The following SOX5 variants were observed in gnomAD, a reference collection of about 807,000 sequenced individuals.
The protein encoded by SOX5 is transcription factor SOX-5.
Under a neutral mutation model 92.0 loss-of-function variants are expected in SOX5, and 9 were observed. That is an observed-to-expected ratio of 0.10 (90% CI 0.06 to 0.17). The LOEUF is 0.17. Ranked by LOEUF, SOX5 falls within the 10% of genes least tolerant of loss-of-function variation. The probability of loss-of-function intolerance (pLI) is 1.00; values close to 1 mark genes in which losing one functional copy is unlikely to be tolerated. For missense variants in SOX5, 642 were observed against 944.5 expected (o/e 0.68, Z 4.20); for synonymous variants, 344 against 336.3 (o/e 1.02, Z -0.25).
In SOX5 at chr12:23,534,291, G is replaced by T. The variant is rs146051086; in HGVS notation, c.2220C>A (p.Asp740Glu). The T allele has an allele frequency of 6.2e-6, 10 of 1,613,870 alleles. No individual in the cohort carries two copies. Among genetic ancestry groups the T allele is most frequent in the African/African-American group, 2.7e-5 (2 of 74,856 alleles). Residue 740 changes from aspartate (D) to glutamate (E), a missense_variant, in exon 15 of 15, where the codon GAC becomes GAA. By Grantham distance (45) the Asp-to-Glu change is conservative. This residue lies in a region of SOX5 where 130 missense variants were observed against 140.6 expected (regional missense o/e 0.92). Coordinates refer to ENST00000451604, the MANE Select transcript of SOX5 (RefSeq NM_006940.6). ...DINGEIYDEY[D>E]EEEDDPDVDY... ...CTACATCTGGATCATCCTCTTCCTC[G>T]TCGTACTCATCATAAATTTCTCCAT... is the stretch of plus-strand genomic sequence containing the variant.
At chr12:24,036,098 C>T (rs1297710177) in intron 4 of SOX5, among the ~76,000 whole-genome samples, 1 of 152,026 alleles carries the variant, frequency 6.6e-6, no homozygotes. Flanking sequence ...TACTGAGATT[C>T]ATCTACATTT....
intron 1 of SOX5, among the ~76,000 whole-genome samples, chr12:24,500,909 T>C (rs1304177775): frequency 2.6e-5 from 4 of 152,208 alleles, no homozygotes; most frequent in African/African-American, 9.7e-5. Context: ...ATCTATTTTC[T>C]AGAAAAGAAA....
chr12:24,113,601 C>T (rs1014030975), intron 4 of SOX5, among the ~76,000 whole-genome samples: 1 of 151,750 alleles, frequency 6.6e-6, no homozygotes, highest in Non-Finnish European at 1.5e-5. Flanking sequence ...CACCATACTA[C>T]AATAATAAAT....
At chr12:23,822,451 T>A (rs1194164682) in intron 3 of SOX5, among the ~76,000 whole-genome samples, 3 of 152,214 alleles carry the variant, frequency 2.0e-5, no homozygotes, top group African/African-American at 4.8e-5. Flanking sequence ...AGTTTCTTAA[T>A]CCTGAGGTCT....
chr12:24,115,921 G>A (rs1016463434), intron 4 of SOX5, among the ~76,000 whole-genome samples: 2 of 151,964 alleles, frequency 1.3e-5, no homozygotes, highest in African/African-American at 2.4e-5. Context: ...TAGGAGGGTG[G>A]AAGCAAAAGC....
chr12:24,240,059 C>T (rs1171908741), intron 3 of SOX5, among the ~76,000 whole-genome samples: 2 of 152,154 alleles, frequency 1.3e-5, no homozygotes, highest in Non-Finnish European at 1.5e-5. Context: ...TTAAATGTGA[C>T]ATACACTGAA....
At chr12:24,408,078 G>C (rs906558046) in intron 1 of SOX5, among the ~76,000 whole-genome samples, 5 of 152,166 alleles carry the variant, frequency 3.3e-5, no homozygotes, top group African/African-American at 1.2e-4. Flanking sequence ...GAATGTTCCA[G>C]ACGAGGAAAT....
intron 3 of SOX5, among the ~76,000 whole-genome samples, chr12:24,236,769 G>T (rs1272051003): frequency 6.6e-6 from 1 of 152,166 alleles, no homozygotes; most frequent in Non-Finnish European, 1.5e-5. Flanking sequence ...TTTAACCACA[G>T]GGATTCTAGC....
At chr12:23,687,348 T>C (rs1194450271) in intron 6 of SOX5, among the ~76,000 whole-genome samples, 1 of 152,018 alleles carries the variant, frequency 6.6e-6, no homozygotes, top group Non-Finnish European at 1.5e-5. Context: ...AGCATATATA[T>C]AAATATATGT....
intron 13 of SOX5, among the ~76,000 whole-genome samples, chr12:23,540,399 T>A (rs1265256760): frequency 7.4e-6 from 1 of 135,394 alleles, no homozygotes; most frequent in Non-Finnish European, 1.6e-5. Flanking sequence ...ATAATAATAA[T>A]AATAAAAAGC....
At chr12:24,395,516 AAAC>A (rs1315833057) in intron 1 of SOX5, among the ~76,000 whole-genome samples, 1 of 152,206 alleles carries the variant, frequency 6.6e-6, no homozygotes, top group African/African-American at 2.4e-5. Context: ...AGCTGGTGGA[AAAC>A]CCACTGAATT....
intron 2 of SOX5, among the ~76,000 whole-genome samples, chr12:24,353,955 C>A (rs1954460158): frequency 6.6e-6 from 1 of 152,156 alleles, no homozygotes; most frequent in Non-Finnish European, 1.5e-5. Flanking sequence ...TTATTCTCAA[C>A]AAACACTTGA....
At chr12:23,625,837 G>A (rs1050220621) in intron 8 of SOX5, among the ~76,000 whole-genome samples, 1 of 152,148 alleles carries the variant, frequency 6.6e-6, no homozygotes, top group African/African-American at 2.4e-5. Context: ...TTGAACTCCT[G>A]ACCTCATGAT....
At chr12:23,761,019 T>A (rs993734848) in intron 3 of SOX5, among the ~76,000 whole-genome samples, 2 of 152,146 alleles carry the variant, frequency 1.3e-5, no homozygotes, top group African/African-American at 4.8e-5. Context: ...CTGTTGATAC[T>A]TTAATTTTGC....
At chr12:23,999,190 C>G (rs1455342599) in intron 4 of SOX5, among the ~76,000 whole-genome samples, 1 of 127,126 alleles carries the variant, frequency 7.9e-6, no homozygotes, top group African/African-American at 2.9e-5. Flanking sequence ...CATTGCTTCT[C>G]TTAAGTGATT....
intron 8 of SOX5, among the ~76,000 whole-genome samples, chr12:23,607,042 C>T (rs1231862589): frequency 6.6e-6 from 1 of 152,134 alleles, no homozygotes; most frequent in Non-Finnish European, 1.5e-5. Flanking sequence ...GGTTGCTCTT[C>T]TCTCCCCCAA....
intron 14 of SOX5, among the ~76,000 whole-genome samples, 182 bp from the exon 15 acceptor site, chr12:23,534,704 CTT>C (rs60460683): frequency 1.2e-3 from 131 of 108,820 alleles, no homozygotes; most frequent in Middle Eastern, 0.01. Flanking sequence ...CTTTTCTTTT[CTT>C]TTTTTTTTTT....
chr12:24,187,478 A>T (rs1956125844), intron 4 of SOX5, among the ~76,000 whole-genome samples: 1 of 152,236 alleles, frequency 6.6e-6, no homozygotes, highest in Admixed American at 6.5e-5. Context: ...ACAGACAGAA[A>T]TACATTTGCT....
chr12:23,741,232 A>G (rs1332830832), intron 4 of SOX5, among the ~76,000 whole-genome samples, 193 bp from the exon 5 acceptor site: 1 of 152,152 alleles, frequency 6.6e-6, no homozygotes, highest in Non-Finnish European at 1.5e-5. Context: ...AAATACCACA[A>G]TGAACTTGGC....
Sources: gnomAD v4.1 joint callset for allele counts (sites outside exome capture counted in the v4.1 genomes callset) on GRCh38, gnomAD v4.1.1 for gene constraint, gnomAD v4.1.1 regional missense constraint, MANE v1.5 for transcripts, NCBI Gene and HGNC (gene_info 2026-07-23, HGNC 2026-07-21) for gene names.